Variants in EXT1 observed in about 807,000 individuals in gnomAD.
The protein encoded by EXT1 is exostosin-1.
A neutral mutation model predicts 82.5 loss-of-function variants in EXT1; 20 were observed. The ratio of observed to expected loss-of-function variants is 0.24; its 90% CI spans 0.17 to 0.35. The LOEUF is 0.35. EXT1 is among the 10% of genes least tolerant of loss of function. The pLI is 1.00. For missense variants in EXT1, 757 were observed against 936.5 expected (o/e 0.81, Z 2.50); for synonymous variants, 348 against 350.8 (o/e 0.99, Z 0.09).
In EXT1 at chr8:117,980,694, GGTGGTTT is replaced by G. The variant is rs1405103534; in HGVS notation, c.962+129384_962+129390del. 2.5e-3 allele frequency among the ~76,000 whole-genome samples: 312 copies of G among 123,402 alleles called. 14 individuals carry two copies. Among genetic ancestry groups the G allele is most frequent in the African/African-American group, 6.5e-3 (230 of 35,610 alleles). The allele number at this position is 123,402 out of a possible 152,430, so 81.0% of individuals were successfully genotyped here. On this transcript the variant is annotated intron_variant, in intron 1 of 10. Coordinates refer to ENST00000378204, the MANE Select transcript of EXT1 (RefSeq NM_000127.3). ...GGGAAGGTTTGTTTGTTCGGGTGTTGGTGGTTTTTTTTTTTTTTTTTTTTTTTTTTTT... is the reference window on the plus strand; with the variant it reads ...GGGAAGGTTTGTTTGTTCGGGTGTTGTTTTTTTTTTTTTTTTTTTTTTTTT...
chr8:118,075,093 T>G (rs1474984553), intron 1 of EXT1, among the ~76,000 whole-genome samples: 1 of 152,220 alleles, frequency 6.6e-6, no homozygotes, highest in Non-Finnish European at 1.5e-5. Flanking sequence ...GTCTCAGATA[T>G]AATGCCATGG....
chr8:118,016,467 A>G (rs1444707825), intron 1 of EXT1, among the ~76,000 whole-genome samples: 2 of 152,232 alleles, frequency 1.3e-5, no homozygotes, highest in African/African-American at 4.8e-5. Context: ...AAATGAATGC[A>G]GTAGGACGGG....
chr8:117,858,712 AG>A (rs1812611368), intron 1 of EXT1, among the ~76,000 whole-genome samples: 2 of 66,160 alleles, frequency 3.0e-5, no homozygotes, highest in African/African-American at 6.8e-5. Flanking sequence ...AAGAAAAGAA[AG>A]AAGGAAGGAA....
At chr8:118,055,620 A>T (rs973486078) in intron 1 of EXT1, among the ~76,000 whole-genome samples, 1 of 152,226 alleles carries the variant, frequency 6.6e-6, no homozygotes, top group Admixed American at 6.5e-5. Context: ...TCCAGGACAG[A>T]TGGCTGGTCT....
chr8:117,797,970 C>T lies in EXT1; in HGVS notation c.*1742G>A, dbSNP rs1823108337. The stretch of plus-strand genomic sequence containing the variant: ...ACCATCTGGATATGTGGGCTCTACT[C>T]CTTGTTCTGCAGCTAGGTAGCCTGT... On this transcript the variant is annotated 3_prime_UTR_variant, in exon 11 of 11. Coordinates refer to ENST00000378204, the MANE Select transcript of EXT1 (RefSeq NM_000127.3). The T allele has an allele frequency of 1.3e-5, 2 of 152,244 alleles. No homozygotes were observed. Among genetic ancestry groups the T allele is most frequent in the African/African-American group, 4.8e-5 (2 of 41,460 alleles). 9.4% of individuals were successfully genotyped at this position (152,244 alleles called of 1,614,324 possible). A position where few individuals can be genotyped will look rare whatever the true frequency, so the allele number is the denominator to read the frequency against.
rs542354597 is a variant in EXT1 at position 117,874,917 on chromosome 8, T to C, written c.963-37716A>G. 3.3e-5 allele frequency among the ~76,000 whole-genome samples: 5 copies of C among 152,280 alleles called. No individual in the cohort carries two copies. In the East Asian group the frequency reaches 9.6e-4, roughly 29 times the overall value. On this transcript the variant is annotated intron_variant, in intron 1 of 10. Transcript: ENST00000378204. The stretch of plus-strand genomic sequence containing the variant: ...TGTCCATTAGCGGCTTTGACAATAG[T>C]GTTAGCCAGATAGTCTCCTTTCTAC...
chr8:118,057,022 G>C (rs1178042026), intron 1 of EXT1, among the ~76,000 whole-genome samples: 2 of 152,182 alleles, frequency 1.3e-5, no homozygotes, highest in African/African-American at 4.8e-5. Flanking sequence ...CCTCCAGGAT[G>C]CTCTTCCTTA....
intron 1 of EXT1, among the ~76,000 whole-genome samples, chr8:117,895,001 C>T (rs765239764): frequency 1.3e-5 from 2 of 152,190 alleles, no homozygotes; most frequent in African/African-American, 2.4e-5. Flanking sequence ...CATCAACTGG[C>T]AAATACAATG....
chr8:117,818,414 T>C (rs1267214649), intron 7 of EXT1, 21 bp downstream of exon 7: 4 of 1,608,444 alleles, frequency 2.5e-6, no homozygotes, highest in African/African-American at 1.3e-5. Flanking sequence ...GTTCCACATA[T>C]AGGTCCCCTT....
At chr8:117,971,241 TGAAAA>T (rs1052244398) in intron 1 of EXT1, among the ~76,000 whole-genome samples, 4 of 152,180 alleles carry the variant, frequency 2.6e-5, no homozygotes, top group African/African-American at 7.2e-5. Context: ...CTGTAGAAAC[TGAAAA>T]GAAAACACAT....
intron 1 of EXT1, among the ~76,000 whole-genome samples, chr8:118,104,733 T>C (rs991069098): frequency 2.6e-5 from 4 of 152,202 alleles, no homozygotes; most frequent in Admixed American, 2.6e-4. Flanking sequence ...TCCAAAATGC[T>C]CATGTCAGTG....
At chr8:117,817,468 T>A (rs1811841632) in intron 7 of EXT1, among the ~76,000 whole-genome samples, 1 of 152,044 alleles carries the variant, frequency 6.6e-6, no homozygotes, top group Non-Finnish European at 1.5e-5. Context: ...TCAATTTCAT[T>A]TAGTAGTGAC....
chr8:117,898,898 G>A (rs1813392724), intron 1 of EXT1, among the ~76,000 whole-genome samples: 1 of 151,890 alleles, frequency 6.6e-6, no homozygotes. Context: ...AAATAGTCAG[G>A]AAACTACGGT....
At chr8:118,081,099 A>C (rs370122505) in intron 1 of EXT1, among the ~76,000 whole-genome samples, 4 of 152,282 alleles carry the variant, frequency 2.6e-5, no homozygotes, top group African/African-American at 4.8e-5. Context: ...AGCAGCACTA[A>C]AAAGACAGAT....
At chr8:117,823,348 C>G (rs1438350171) in intron 4 of EXT1, among the ~76,000 whole-genome samples, 1 of 152,094 alleles carries the variant, frequency 6.6e-6, no homozygotes, top group Non-Finnish European at 1.5e-5. Context: ...ATCCTCCCAT[C>G]CCGAATCATT....
At chr8:117,844,627 A>G (rs1406150446) in intron 1 of EXT1, among the ~76,000 whole-genome samples, 2 of 152,140 alleles carry the variant, frequency 1.3e-5, no homozygotes, top group Non-Finnish European at 2.9e-5. Context: ...AAAACATAGA[A>G]TATGGAAAAG....
chr8:117,959,474 AG>A (rs1399273197), intron 1 of EXT1, among the ~76,000 whole-genome samples: 1 of 152,246 alleles, frequency 6.6e-6, no homozygotes, highest in Non-Finnish European at 1.5e-5. Flanking sequence ...CATACCACTA[AG>A]GAAGAGGACA....
chr8:117,977,698 G>T (rs1815096613), intron 1 of EXT1, among the ~76,000 whole-genome samples: 1 of 152,172 alleles, frequency 6.6e-6, no homozygotes, highest in South Asian at 2.1e-4. Context: ...GGGTTGTGGG[G>T]TCCTCCTAAT....
chr8:118,094,123 T>A (rs1817568659), intron 1 of EXT1, among the ~76,000 whole-genome samples: 1 of 152,236 alleles, frequency 6.6e-6, no homozygotes, highest in South Asian at 2.1e-4. Flanking sequence ...GCACATTTGC[T>A]ACCCGTTTTA....
Sources: allele counts gnomAD v4.1 joint callset (sites outside exome capture counted in the v4.1 genomes callset), GRCh38; gene constraint gnomAD v4.1.1; transcripts MANE v1.5; gene names NCBI Gene and HGNC (gene_info 2026-07-23, HGNC 2026-07-21).